CSNK1G3: variants seen among roughly 807,000 people sequenced by gnomAD.
CSNK1G3 encodes casein kinase I isoform gamma-3.
A neutral mutation model predicts 64.3 loss-of-function variants in CSNK1G3; 23 were observed. That is an observed-to-expected ratio of 0.36 (90% CI 0.26 to 0.51). The LOEUF is 0.51. Among genes scored for constraint, CSNK1G3 ranks in the 20% least tolerant of loss-of-function variants. The probability of loss-of-function intolerance (pLI) is 0.96; values close to 1 mark genes in which losing one functional copy is unlikely to be tolerated. For synonymous variants in CSNK1G3, 158 were observed against 162.2 expected, an observed-to-expected ratio of 0.97 and a Z score of 0.20; for missense variants, 357 against 510.5, an observed-to-expected ratio of 0.70 and a Z score of 2.90.
At chr5:123,557,384 G>C in intron 3 of CSNK1G3, 111 bp from the exon 4 acceptor site, 2 of 685,082 alleles carry the variant, frequency 2.9e-6, no homozygotes, top group Admixed American at 3.2e-5. Context: ...AAAGATGCCT[G>C]GTAGACTATT....
intron 1 of CSNK1G3, among the ~76,000 whole-genome samples, chr5:123,537,479 T>C (rs969677639): frequency 1.3e-5 from 2 of 152,008 alleles, no homozygotes; most frequent in African/African-American, 4.8e-5. Flanking sequence ...GTGGGCACAA[T>C]GTACATGTTT....
chr5:123,613,366 T>C (rs1206361418), intron 12 of CSNK1G3, among the ~76,000 whole-genome samples: 1 of 151,924 alleles, frequency 6.6e-6, no homozygotes, highest in Non-Finnish European at 1.5e-5. Context: ...TGCCTCAGCC[T>C]CTCAAGGAGA....
chr5:123,577,518 T>A (rs1789411622), intron 6 of CSNK1G3, among the ~76,000 whole-genome samples: 1 of 151,190 alleles, frequency 6.6e-6, no homozygotes, highest in Admixed American at 6.6e-5. Flanking sequence ...CCCTTTTCTA[T>A]ATTTGTAATT....
At chr5:123,590,598 G>T (rs758544163) in intron 9 of CSNK1G3, 40 bp downstream of exon 9, 9 of 1,273,164 alleles carry the variant, frequency 7.1e-6, no homozygotes, top group Non-Finnish European at 9.5e-6. Flanking sequence ...TACAGTATCT[G>T]TTGCCTTTTT....
chr5:123,536,758 A>G (rs1329339331), intron 1 of CSNK1G3, among the ~76,000 whole-genome samples: 1 of 152,128 alleles, frequency 6.6e-6, no homozygotes, highest in Non-Finnish European at 1.5e-5. Context: ...AGAAGAAATA[A>G]TCCTATTAGT....
chr5:123,561,873 T>A (rs1785796953), intron 4 of CSNK1G3, among the ~76,000 whole-genome samples: 1 of 152,152 alleles, frequency 6.6e-6, no homozygotes, highest in Non-Finnish European at 1.5e-5. Context: ...CCTCCTCTGA[T>A]TTTGGCGTAT....
At chr5:123,557,641 T>G in intron 4 of CSNK1G3, 77 bp downstream of exon 4, 1 of 908,320 alleles carries the variant, frequency 1.1e-6, no homozygotes, top group Non-Finnish European at 1.7e-6. Flanking sequence ...AATGGTATTT[T>G]AAGTTTGGTT....
At chr5:123,547,508 G>T (rs185263728) in intron 2 of CSNK1G3, among the ~76,000 whole-genome samples, 20 of 152,164 alleles carry the variant, frequency 1.3e-4, no homozygotes, top group African/African-American at 4.8e-4. Context: ...AGGGCAATAC[G>T]AGAAATATGA....
At chr5:123,533,637 A>G (rs1172172787) in intron 1 of CSNK1G3, among the ~76,000 whole-genome samples, 2 of 151,358 alleles carry the variant, frequency 1.3e-5, no homozygotes, top group Non-Finnish European at 1.5e-5. Context: ...TATTAGGATT[A>G]TTCCCCCACT....
At position 123,524,174 on chromosome 5, in the gene CSNK1G3, A is replaced by T. The variant is rs1778636759; in HGVS notation, c.-248+11604A>T. 2.0e-5 allele frequency among the ~76,000 whole-genome samples: 3 copies of T among 152,110 alleles called. No individual in the cohort carries two copies. The South Asian group carries it at 6.2e-4, about 32-fold the overall frequency. On this transcript the variant is annotated intron_variant, in intron 1 of 12. Coordinates refer to ENST00000345990, the Ensembl canonical transcript of CSNK1G3. ...TAAATGCAAAGTGGCATTTTATTTG[A>T]ATCTGTGTTAGTTTCTTTAACAGTT...
At chr5:123,525,372 T>TG (rs1363720218) in intron 1 of CSNK1G3, among the ~76,000 whole-genome samples, 1 of 150,742 alleles carries the variant, frequency 6.6e-6, no homozygotes, top group Non-Finnish European at 1.5e-5. Context: ...AGTGCAGTGG[T>TG]GCGATCTCGG....
chr5:123,545,705 A>G lies in CSNK1G3; in HGVS notation c.42A>G (p.Arg14=), dbSNP rs916887204. ...AAGACAAGGACAAATCAGATGATAG[A>G]ATGGCACGACCTAGTGGTCGATCGG... The change falls in exon 2 of 13, where the codon AGA becomes AGG. Residue 14 remains arginine, a synonymous_variant. Transcript: ENST00000345990. The G allele has an allele frequency of 6.8e-6, 11 of 1,613,392 alleles. No individual in the cohort carries two copies. The Admixed American group carries it at 1.0e-4, about 15-fold the overall frequency.
At chr5:123,516,286 A>ATTC (rs1452257500) in intron 1 of CSNK1G3, among the ~76,000 whole-genome samples, 2 of 152,194 alleles carry the variant, frequency 1.3e-5, no homozygotes, top group African/African-American at 4.8e-5. Context: ...CTATGCTTGG[A>ATTC]TTCTTAATGT....
At chr5:123,566,070 T>C (rs1162644950) in intron 4 of CSNK1G3, among the ~76,000 whole-genome samples, 1 of 152,224 alleles carries the variant, frequency 6.6e-6, no homozygotes, top group Non-Finnish European at 1.5e-5. Context: ...ATTTCCTTAA[T>C]GGTCTACTTA....
chr5:123,586,016 A>G (rs189364423), intron 6 of CSNK1G3, among the ~76,000 whole-genome samples: 9 of 152,368 alleles, frequency 5.9e-5, no homozygotes, highest in Middle Eastern at 3.4e-3. Context: ...AGCTTTATTC[A>G]CAATAGCCCC....
chr5:123,600,241 A>G (rs761503132), intron 10 of CSNK1G3, among the ~76,000 whole-genome samples: 1 of 152,188 alleles, frequency 6.6e-6, no homozygotes, highest in South Asian at 2.1e-4. Flanking sequence ...ACATTATTAG[A>G]TGAGAATTTG....
At chr5:123,520,873 TG>T (rs150137063) in intron 1 of CSNK1G3, among the ~76,000 whole-genome samples, 2,994 of 151,950 alleles carry the variant, frequency 0.02, 102 homozygotes, top group African/African-American at 0.069. Flanking sequence ...GAAGTGAAAA[TG>T]TTTTTTTTCT....
At chr5:123,610,223 C>T (rs1796078527) in intron 12 of CSNK1G3, among the ~76,000 whole-genome samples, 1 of 151,976 alleles carries the variant, frequency 6.6e-6, no homozygotes, top group Non-Finnish European at 1.5e-5. Context: ...TTCTTTAAAT[C>T]AAGAGATCCA....
At chr5:123,526,205 T>C (rs1779038047) in intron 1 of CSNK1G3, among the ~76,000 whole-genome samples, 1 of 151,606 alleles carries the variant, frequency 6.6e-6, no homozygotes, top group Admixed American at 6.6e-5. Flanking sequence ...GCCTGACTAA[T>C]TTAATTTAAT....
Sources: allele counts gnomAD v4.1 joint callset (sites outside exome capture counted in the v4.1 genomes callset), GRCh38; gene constraint gnomAD v4.1.1; transcripts MANE v1.5; gene names NCBI Gene and HGNC (gene_info 2026-07-23, HGNC 2026-07-21).